BLTP3A: variants seen among roughly 807,000 people sequenced by gnomAD.
BLTP3A encodes the protein ICBP90 binding protein 1.
At chr6:34,835,059 T>C in the BLTP3A span, among the ~76,000 whole-genome samples, 1 of 152,210 alleles carries the variant, frequency 6.6e-6, no homozygotes, top group Non-Finnish European at 1.5e-5. Flanking sequence ...TTTTGGAAAC[T>C]GCAATTTTTA....
the BLTP3A span, among the ~76,000 whole-genome samples, chr6:34,798,817 T>A: frequency 6.6e-6 from 1 of 152,162 alleles, no homozygotes; most frequent in Non-Finnish European, 1.5e-5. Flanking sequence ...CATTTCTTAC[T>A]TGGAATGGAT....
At chr6:34,836,008 T>C in the BLTP3A span, 399 of 955,084 alleles carry the variant, frequency 4.2e-4, 2 homozygotes, top group African/African-American at 5.8e-3. Flanking sequence ...GAAACGGACC[T>C]AAGTGAGCTA....
At chr6:34,797,099 A>ATAAT in the BLTP3A span, among the ~76,000 whole-genome samples, 1 of 152,176 alleles carries the variant, frequency 6.6e-6, no homozygotes, top group Non-Finnish European at 1.5e-5. Context: ...TTTTTATTAT[A>ATAAT]GTGCCTGACA....
chr6:34,858,400 C>T, the BLTP3A span: 22 of 1,614,176 alleles, frequency 1.4e-5, no homozygotes, highest in Admixed American at 1.2e-4. Context: ...GCCTAATACC[C>T]TCCCTCCCCA....
the BLTP3A span, chr6:34,858,811 C>T: frequency 3.7e-6 from 6 of 1,614,120 alleles, no homozygotes; most frequent in Non-Finnish European, 5.1e-6. Context: ...TGTTCATATG[C>T]TTGTACATTC....
At chr6:34,867,287 C>T in the BLTP3A span, 1 of 1,614,096 alleles carries the variant, frequency 6.2e-7, no homozygotes, top group Non-Finnish European at 8.5e-7. Flanking sequence ...TGCTGGTGTT[C>T]AAGGGAGCCC....
the BLTP3A span, among the ~76,000 whole-genome samples, chr6:34,862,382 A>T: frequency 9.2e-5 from 14 of 152,094 alleles, no homozygotes; most frequent in South Asian, 1.2e-3. Flanking sequence ...TCTCAAAAAA[A>T]AAAAATAATA....
At chr6:34,855,817 C>T in the BLTP3A span, 1 of 1,540,022 alleles carries the variant, frequency 6.5e-7, no homozygotes, top group East Asian at 2.3e-5. Flanking sequence ...GCAGTGCATG[C>T]TCAGAGGGGT....
At chr6:34,825,502 T>C in the BLTP3A span, among the ~76,000 whole-genome samples, 10 of 152,196 alleles carry the variant, frequency 6.6e-5, no homozygotes, top group Non-Finnish European at 1.2e-4. Context: ...AGATGGGGTT[T>C]CACCATGTTA....
At chr6:34,800,104 C>T in the BLTP3A span, among the ~76,000 whole-genome samples, 1 of 151,824 alleles carries the variant, frequency 6.6e-6, no homozygotes, top group African/African-American at 2.4e-5. Context: ...AGGCATACCT[C>T]AAGGAGGAAA....
At chr6:34,871,898 G>A in the BLTP3A span, 1 of 1,614,184 alleles carries the variant, frequency 6.2e-7, no homozygotes. Flanking sequence ...TGTTTTTGGT[G>A]CCCACAGGAG....
At chr6:34,834,077 G>A in the BLTP3A span, 1 of 895,240 alleles carries the variant, frequency 1.1e-6, no homozygotes, top group Non-Finnish European at 1.7e-6. Flanking sequence ...ACTCCAGCTT[G>A]GGTAACAGAG....
At chr6:34,813,809 A>C in the BLTP3A span, among the ~76,000 whole-genome samples, 1 of 152,300 alleles carries the variant, frequency 6.6e-6, no homozygotes, top group Middle Eastern at 3.4e-3. Flanking sequence ...TGGTTTTATC[A>C]TCACGTTGCT....
chr6:34,865,488 ATGT>A, the BLTP3A span, among the ~76,000 whole-genome samples: 4 of 152,232 alleles, frequency 2.6e-5, no homozygotes, highest in African/African-American at 9.6e-5. Context: ...GTTGTGAATA[ATGT>A]TGTAGTAAAC....
chr6:34,821,900 T>A, the BLTP3A span: 1 of 1,614,222 alleles, frequency 6.2e-7, no homozygotes, highest in Non-Finnish European at 8.5e-7. Flanking sequence ...CCCTGAGACT[T>A]TGCTTTCCTC....
At chr6:34,823,094 T>G in the BLTP3A span, among the ~76,000 whole-genome samples, 30 of 152,360 alleles carry the variant, frequency 2.0e-4, no homozygotes, top group Middle Eastern at 3.4e-3. Flanking sequence ...CATTTTAGTT[T>G]GTTCATTCAT....
At chr6:34,827,317 AAG>A in the BLTP3A span, among the ~76,000 whole-genome samples, 2 of 151,944 alleles carry the variant, frequency 1.3e-5, no homozygotes, top group African/African-American at 4.8e-5. Context: ...TTCAAAAAAA[AAG>A]AAAAAAAACA....
At chr6:34,843,823 G>A in the BLTP3A span, among the ~76,000 whole-genome samples, 1 of 152,124 alleles carries the variant, frequency 6.6e-6, no homozygotes, top group Admixed American at 6.5e-5. Context: ...CTTCCATACT[G>A]TTCTCCATAG....
the BLTP3A span, chr6:34,834,577 TC>T: frequency 7.4e-7 from 1 of 1,347,412 alleles, no homozygotes; most frequent in Admixed American, 2.2e-5. Flanking sequence ...CAATTATGGA[TC>T]CCCAATTCAC....
Sources: gnomAD v4.1 joint callset for allele counts (sites outside exome capture counted in the v4.1 genomes callset) on GRCh38, gnomAD v4.1.1 for gene constraint, MANE v1.5 for transcripts, NCBI Gene and HGNC (gene_info 2026-07-23, HGNC 2026-07-21) for gene names.